DLGAP2: variants seen among roughly 807,000 people sequenced by gnomAD.
DLGAP2 encodes DLG associated protein 2.
In DLGAP2, 26 loss-of-function variants were observed where a neutral mutation model predicts 100.3. That is an observed-to-expected ratio of 0.26 (90% CI 0.19 to 0.36). The LOEUF is 0.36. Among genes scored for constraint, DLGAP2 ranks in the 10% least tolerant of loss-of-function variants. The pLI, the probability that DLGAP2 is intolerant of heterozygous loss-of-function variation, is 1.00. For synonymous variants in DLGAP2, 886 were observed against 630.1 expected (o/e 1.41, Z -6.08); for missense variants, 1,858 against 1,453.2 (o/e 1.28, Z -4.53).
At chr8:1,666,679 CAAA>C (rs1242127349) in intron 8 of DLGAP2, among the ~76,000 whole-genome samples, 1 of 122,496 alleles carries the variant, frequency 8.2e-6, no homozygotes. Flanking sequence ...GACTCCATCT[CAAA>C]AAAAAAAAAA....
intron 2 of DLGAP2, among the ~76,000 whole-genome samples, chr8:1,190,499 T>G (rs1797609415): frequency 6.6e-6 from 1 of 152,122 alleles, no homozygotes; most frequent in Non-Finnish European, 1.5e-5. Flanking sequence ...CCCGGCAGCA[T>G]CTCATGCAGG....
At chr8:1,601,759 G>T (rs13265069) in intron 6 of DLGAP2, among the ~76,000 whole-genome samples, 63,862 of 151,982 alleles carry the variant, frequency 0.42, 13,497 homozygotes, top group Non-Finnish European at 0.42. Flanking sequence ...AATGCTCAGA[G>T]CTCTCTCGTA....
chr8:1,258,691 G>T (rs765021140), intron 2 of DLGAP2, among the ~76,000 whole-genome samples, 160 bp from the exon 3 acceptor site: 1 of 152,218 alleles, frequency 6.6e-6, no homozygotes, highest in Non-Finnish European at 1.5e-5. Context: ...TGGCGTGCAA[G>T]GCCAGAGCTG....
intron 3 of DLGAP2, among the ~76,000 whole-genome samples, chr8:1,338,543 G>A (rs1202554211): frequency 6.6e-6 from 1 of 152,234 alleles, no homozygotes; most frequent in African/African-American, 2.4e-5. Flanking sequence ...CAAATCCTTT[G>A]AAATTACATA....
At chr8:811,996 A>G (rs182650798) in intron 1 of DLGAP2, among the ~76,000 whole-genome samples, 1 of 152,346 alleles carries the variant, frequency 6.6e-6, no homozygotes, top group East Asian at 1.9e-4. Flanking sequence ...TTCTGGAAGG[A>G]CATGGGGTGG....
chr8:1,655,990 G>C (rs1464281183), intron 8 of DLGAP2, among the ~76,000 whole-genome samples: 1 of 152,222 alleles, frequency 6.6e-6, no homozygotes, highest in Non-Finnish European at 1.5e-5. Flanking sequence ...GTGCCGCAGA[G>C]GAACCCAAGT....
At chr8:875,689 AC>A (rs1797676890) in intron 1 of DLGAP2, among the ~76,000 whole-genome samples, 1 of 152,124 alleles carries the variant, frequency 6.6e-6, no homozygotes, top group Admixed American at 6.6e-5. Flanking sequence ...ATAGTCTCAT[AC>A]CTTTTTTATT....
chr8:981,227 C>G (rs900270184), intron 2 of DLGAP2, among the ~76,000 whole-genome samples: 1 of 152,144 alleles, frequency 6.6e-6, no homozygotes, highest in African/African-American at 2.4e-5. Flanking sequence ...CAAGGCTCAT[C>G]TGGGTTGTGG....
chr8:1,423,285 G>C (rs747082388), intron 3 of DLGAP2, among the ~76,000 whole-genome samples: 4 of 151,994 alleles, frequency 2.6e-5, no homozygotes, highest in Non-Finnish European at 5.9e-5. Flanking sequence ...CCTGACCCCA[G>C]GCCTGCTCAG....
At chr8:829,169 T>A (rs1796736212) in intron 1 of DLGAP2, among the ~76,000 whole-genome samples, 1 of 152,236 alleles carries the variant, frequency 6.6e-6, no homozygotes. Flanking sequence ...ATGAGATAAC[T>A]GACATTGCCT....
rs1798602431 is a variant in DLGAP2 at position 1,668,470 on chromosome 8, C to G, written c.1952C>G (p.Ser651Cys). ...CAGGACAGCCGCGCACAGAGGATGT[C>G]CCCGTGGCCCCAGGACAGCCGCGGC... ...AYQDSRAQRM[S>C]PWPQDSRGLY... Residue 651 changes from serine (S) to cysteine (C), a missense_variant, in exon 9 of 15, where the codon TCC becomes TGC. Transcript: ENST00000637795. The G allele has an allele frequency of 8.8e-6, 14 of 1,594,256 alleles. No individual in the cohort carries two copies. Among genetic ancestry groups the G allele is most frequent in the Non-Finnish European group, 1.2e-5 (14 of 1,171,398 alleles).
chr8:1,005,096 A>G (rs1801068485), intron 2 of DLGAP2, among the ~76,000 whole-genome samples: 1 of 152,148 alleles, frequency 6.6e-6, no homozygotes, highest in South Asian at 2.1e-4. Context: ...CTGTGGATGG[A>G]TCGTTATTTC....
intron 4 of DLGAP2, 147 bp from the exon 5 acceptor site, chr8:1,548,479 A>AC: frequency 1.7e-6 from 1 of 574,144 alleles, no homozygotes; most frequent in African/African-American, 2.0e-5. Context: ...AAAAAAAAAA[A>AC]AAAAACCCAC....
At chr8:1,409,514 C>T (rs937435737) in intron 3 of DLGAP2, among the ~76,000 whole-genome samples, 3 of 152,220 alleles carry the variant, frequency 2.0e-5, no homozygotes, top group Non-Finnish European at 2.9e-5. Flanking sequence ...CTGGGTGTGA[C>T]GAACGTGCTC....
intron 3 of DLGAP2, among the ~76,000 whole-genome samples, chr8:1,373,286 G>A (rs1450149315): frequency 2.0e-5 from 3 of 151,916 alleles, no homozygotes; most frequent in African/African-American, 7.2e-5. Flanking sequence ...GGCCCGGAGG[G>A]TGTCGGGAGC....
chr8:1,435,972 G>C (rs925123941), intron 3 of DLGAP2, among the ~76,000 whole-genome samples: 5 of 152,178 alleles, frequency 3.3e-5, no homozygotes, highest in Non-Finnish European at 5.9e-5. Context: ...ATGCATTTGT[G>C]TTTTAAGCTC....
intron 2 of DLGAP2, among the ~76,000 whole-genome samples, chr8:1,251,831 C>T (rs1375867069): frequency 6.6e-6 from 1 of 152,242 alleles, no homozygotes; most frequent in African/African-American, 2.4e-5. Context: ...CGGCCATGTC[C>T]TGTAGGCGTG....
At chr8:1,557,983 T>C (rs7832684) in intron 5 of DLGAP2, among the ~76,000 whole-genome samples, 60,009 of 151,920 alleles carry the variant, frequency 0.4, 12,284 homozygotes, top group East Asian at 0.51. Context: ...CAAGGAGGGG[T>C]GTGGGGAAGG....
At chr8:1,132,641 A>G (rs977418309) in intron 2 of DLGAP2, among the ~76,000 whole-genome samples, 7 of 152,236 alleles carry the variant, frequency 4.6e-5, no homozygotes, top group African/African-American at 1.7e-4. Context: ...TGATGTAAAG[A>G]AGGCGTTTAC....
Sources: allele counts gnomAD v4.1 joint callset (sites outside exome capture counted in the v4.1 genomes callset), GRCh38; gene constraint gnomAD v4.1.1; transcripts MANE v1.5; gene names NCBI Gene and HGNC (gene_info 2026-07-23, HGNC 2026-07-21).